PCDHGA4: variants seen among roughly 807,000 people sequenced by gnomAD.
The protein encoded by PCDHGA4 is protocadherin gamma subfamily A, 4, also known as protocadherin gamma-A4.
Under a neutral mutation model 54.6 loss-of-function variants are expected in PCDHGA4, and 38 were observed. The ratio of observed to expected loss-of-function variants is 0.70; its 90% CI spans 0.54 to 0.91. PCDHGA4 has a LOEUF of 0.91. Among genes scored for constraint, PCDHGA4 ranks in the 40% least tolerant of loss-of-function variants. The pLI is 0.00. For synonymous variants in PCDHGA4, 511 were observed against 512.9 expected, an observed-to-expected ratio of 1.00 and a Z score of 0.05; for missense variants, 1,298 against 1,220.9, an observed-to-expected ratio of 1.06 and a Z score of -0.94.
At position 141,431,850 on chromosome 5, in the gene PCDHGA4, C is replaced by T; in HGVS notation, c.2515-62957C>T. On this transcript the variant is annotated intron_variant, in intron 1 of 3. Transcript: ENST00000571252. The surrounding 1 kb of genome is among the most constrained non-coding windows in gnomAD (Gnocchi z 4.8). ...GTTCCCGAAAACTCTCCCAGAGGGA[C>T]ATTAATTGCCCTTTTAAATGTAAAT... The T allele has an allele frequency of 1.9e-6, 3 of 1,614,234 alleles. No homozygotes were observed. The highest frequency in any genetic ancestry group is 2.2e-5 in the South Asian group (2 of 91,090).
intron 1 of PCDHGA4, chr5:141,404,724 T>C: frequency 6.2e-7 from 1 of 1,613,942 alleles, no homozygotes; most frequent in Non-Finnish European, 8.5e-7. Context: ...GTGACCAAGG[T>C]GGTGGCAGTG....
At chr5:141,419,201 A>C in intron 1 of PCDHGA4, 1 of 1,613,998 alleles carries the variant, frequency 6.2e-7, no homozygotes, top group South Asian at 1.1e-5. Context: ...CGTCAATGAC[A>C]ACGCGCCGGT....
At position 141,415,171 on chromosome 5, in the gene PCDHGA4, G is replaced by A. The variant is rs748508713; in HGVS notation, c.2514+57550G>A. ...TCTCTCCGCCACTGTCACGCTCACC[G>A]TGGCCGTGGCCGACAGCATCCCCCA... On this transcript the variant is annotated intron_variant, in intron 1 of 3. Coordinates refer to ENST00000571252, the MANE Select transcript of PCDHGA4 (RefSeq NM_018917.4). 8 of 1,613,876 alleles carry A rather than the reference G, an allele frequency of 5.0e-6. No homozygotes were observed. In the South Asian group the frequency reaches 6.6e-5, roughly 13 times the overall value.
intron 1 of PCDHGA4, chr5:141,384,773 A>C (rs775593747): frequency 6.2e-6 from 10 of 1,613,726 alleles, no homozygotes; most frequent in Middle Eastern, 1.6e-4. Flanking sequence ...TACACGGGCG[A>C]GGTGCGCACG....
intron 1 of PCDHGA4, among the ~76,000 whole-genome samples, chr5:141,382,019 G>T (rs1777875192): frequency 6.6e-6 from 1 of 151,628 alleles, no homozygotes; most frequent in South Asian, 2.1e-4. Flanking sequence ...AGTAGAGACG[G>T]GGTTTCTCCA....
rs1462167461 is a variant in PCDHGA4, at chr5:141,355,936, G to A, written c.829G>A (p.Glu277Lys). Residue 277 changes from glutamate to lysine, a missense_variant, in exon 1 of 4, where the codon GAG (glutamate) becomes AAG (lysine). Glu to Lys is a moderately conservative substitution (Grantham distance 56). Transcript: ENST00000571252. Reference protein sequence around the residue: ...NDNAPVFTQPEYHVSVRENVP... With the variant: ...NDNAPVFTQPKYHVSVRENVP... ...TAATGCTCCCGTGTTCACTCAGCCCGAGTACCACGTAAGTGTTCGTGAGAA... is the reference window on the plus strand; with the variant it reads ...TAATGCTCCCGTGTTCACTCAGCCCAAGTACCACGTAAGTGTTCGTGAGAA... 1.9e-5 allele frequency: 31 copies of A among 1,613,826 alleles called. No homozygotes were observed. Among genetic ancestry groups the A allele is most frequent in the Non-Finnish European group, 2.5e-5 (30 of 1,179,866 alleles).
At chr5:141,467,693 G>C (rs543886467) in intron 1 of PCDHGA4, among the ~76,000 whole-genome samples, 49 of 152,108 alleles carry the variant, frequency 3.2e-4, no homozygotes, top group African/African-American at 1.1e-3. Flanking sequence ...ACAGGGTCTG[G>C]CTCTGTTGCC....
At position 141,490,475 on chromosome 5, in the gene PCDHGA4, T is replaced by C. The variant is rs769951029; in HGVS notation, c.2515-4332T>C. On this transcript the variant is annotated intron_variant, in intron 1 of 3. Coordinates refer to ENST00000571252, the MANE Select transcript of PCDHGA4 (RefSeq NM_018917.4). This position sits in a 1 kb window ranked among gnomAD's most constrained non-coding sequence, Gnocchi z 5.4. ...TACTCGCTGCTAACCAGCCAGCCTTTGGACCGGGAGGCCACATCCCACTAT... is the reference window on the plus strand; with the variant it reads ...TACTCGCTGCTAACCAGCCAGCCTTCGGACCGGGAGGCCACATCCCACTAT... The C allele has an allele frequency of 3.7e-6, 6 of 1,614,240 alleles. No individual in the cohort carries two copies. The highest frequency in any genetic ancestry group is 5.1e-6 in the Non-Finnish European group (6 of 1,180,038).
At chr5:141,479,561 G>A (rs1032137833) in intron 1 of PCDHGA4, 1 of 152,270 alleles carries the variant, frequency 6.6e-6, no homozygotes, top group African/African-American at 2.4e-5. Context: ...CTATCCAGTA[G>A]TGGGATGACA....
At chr5:141,478,483 G>A in intron 1 of PCDHGA4, 13 of 1,613,548 alleles carry the variant, frequency 8.1e-6, no homozygotes, top group Non-Finnish European at 1.1e-5. Flanking sequence ...AGAACACGCT[G>A]CGGAGCTGTG....
rs951185891 is a variant in PCDHGA4, at chr5:141,494,814, C to T, written c.2522C>T (p.Pro841Leu). 7 of 1,614,152 alleles carry T rather than the reference C, an allele frequency of 4.3e-6. No individual in the cohort carries two copies. The highest frequency in any genetic ancestry group is 1.7e-5 in the Admixed American group (1 of 60,024). Residue 841 changes from proline to leucine, a missense_variant, in exon 2 of 4, where the codon CCG becomes CTG. By Grantham distance (98) the Pro-to-Leu change is moderately conservative (BLOSUM62 -3). Transcript: ENST00000571252. The part of the protein sequence containing the change: ...TKGDPNLQQA[P>L]PNTDWRFSQA... ...CCTCTGTTTTCTCCACAGCAAGCCCCGCCCAACACGGACTGGCGTTTCTCT... is the reference window on the plus strand; with the variant it reads ...CCTCTGTTTTCTCCACAGCAAGCCCTGCCCAACACGGACTGGCGTTTCTCT...
chr5:141,381,910 A>G (rs1007248325), intron 1 of PCDHGA4, among the ~76,000 whole-genome samples: 10 of 130,320 alleles, frequency 7.7e-5, no homozygotes, highest in Admixed American at 5.1e-4. Context: ...GCTCACCACA[A>G]CCTCCACCTC....
At chr5:141,394,235 G>C (rs1444438979) in intron 1 of PCDHGA4, 1 of 1,613,820 alleles carries the variant, frequency 6.2e-7, no homozygotes, top group South Asian at 1.1e-5. Flanking sequence ...TCTTTTCCTT[G>C]ACTGCACACG....
Position 141,485,754 on chromosome 5 carries a change from T to A in PCDHGA4, c.2515-9053T>A, listed in dbSNP as rs770807249. ...AGCGACGGCAGCCTGGTCCCAGAGC[T>A]GCTCCTGGAGAAGCCTTTGGATCGA... On this transcript the variant is annotated intron_variant, in intron 1 of 3. Transcript: ENST00000571252. This position sits in a 1 kb window ranked among gnomAD's most constrained non-coding sequence, Gnocchi z 5.7. 1 of 1,614,236 alleles carries A rather than the reference T, an allele frequency of 6.2e-7. No individual in the cohort carries two copies. The highest frequency in any genetic ancestry group is 8.5e-7 in the Non-Finnish European group (1 of 1,180,044).
rs924491576 is a variant in PCDHGA4, at chr5:141,491,579, C to T, written c.2515-3228C>T. On this transcript the variant is annotated intron_variant, in intron 1 of 3. Coordinates refer to ENST00000571252, the MANE Select transcript of PCDHGA4 (RefSeq NM_018917.4). This position sits in a 1 kb window ranked among gnomAD's most constrained non-coding sequence, Gnocchi z 6.9. ...CACTGCTACAGGACGTGCTTTTCAC[C>T]GGCCTCGGACGGCAGTGACTTCACT... is the stretch of plus-strand genomic sequence containing the variant. 18 of 1,613,810 alleles carry T rather than the reference C, an allele frequency of 1.1e-5. No homozygotes were observed. Among genetic ancestry groups the T allele is most frequent in the Non-Finnish European group, 1.4e-5 (17 of 1,180,044 alleles).
intron 1 of PCDHGA4, chr5:141,383,106 A>T (rs760790560): frequency 6.2e-7 from 1 of 1,613,828 alleles, no homozygotes; most frequent in Non-Finnish European, 8.5e-7. Context: ...TCATCTCCAG[A>T]GGTAGGACGC....
At chr5:141,374,599 C>T (rs948691402) in intron 1 of PCDHGA4, 10 of 1,613,528 alleles carry the variant, frequency 6.2e-6, no homozygotes, top group African/African-American at 1.3e-5. Context: ...GATTTAAGCT[C>T]AGTGGTAATA....
intron 1 of PCDHGA4, chr5:141,360,011 A>T: frequency 2.0e-5 from 25 of 1,240,972 alleles, no homozygotes; most frequent in Non-Finnish European, 2.7e-5. Context: ...AACCAACCAC[A>T]CAGAGAAGGC....
chr5:141,491,560 T>C lies in PCDHGA4; in HGVS notation c.2515-3247T>C. 1 of 1,613,986 alleles carries C rather than the reference T, an allele frequency of 6.2e-7. No homozygotes were observed. Among genetic ancestry groups the C allele is most frequent in the Non-Finnish European group, 8.5e-7 (1 of 1,180,026 alleles). ...GCCCACAGACTCGCAGAGCCACTGCTACAGGACGTGCTTTTCACCGGCCTC... is the reference window on the plus strand; with the variant it reads ...GCCCACAGACTCGCAGAGCCACTGCCACAGGACGTGCTTTTCACCGGCCTC... On this transcript the variant is annotated intron_variant, in intron 1 of 3. Coordinates refer to ENST00000571252, the MANE Select transcript of PCDHGA4 (RefSeq NM_018917.4). This position sits in a 1 kb window ranked among gnomAD's most constrained non-coding sequence, Gnocchi z 6.9.
Sources: allele counts gnomAD v4.1 joint callset (sites outside exome capture counted in the v4.1 genomes callset), GRCh38; gene constraint gnomAD v4.1.1; non-coding constraint Gnocchi (gnomAD v3.1); transcripts MANE v1.5; gene names NCBI Gene and HGNC (gene_info 2026-07-23, HGNC 2026-07-21).